The following KLHL32 variants were observed in gnomAD, a reference collection of about 807,000 sequenced individuals.
The protein encoded by KLHL32 is kelch-like protein 32.
KLHL32 carries 35 observed loss-of-function variants against 64.8 expected under a neutral mutation model. The ratio of observed to expected loss-of-function variants is 0.54; its 90% CI spans 0.41 to 0.72. The LOEUF (loss-of-function observed/expected upper bound fraction) is 0.72. KLHL32 is among the 30% of genes least tolerant of loss of function. The pLI is 0.00. For synonymous variants in KLHL32, 259 were observed against 281.0 expected (o/e 0.92, Z 0.78); for missense variants, 589 against 768.5 (o/e 0.77, Z 2.76).
Position 96,967,001 on chromosome 6 carries a change from A to G in KLHL32, c.-60A>G, listed in dbSNP as rs1275011630. 5.0e-5 allele frequency: 75 copies of G among 1,511,062 alleles called. No homozygotes were observed. Among genetic ancestry groups the G allele is most frequent in the Non-Finnish European group, 6.3e-5 (68 of 1,087,646 alleles). The allele number at this position is 1,511,062 out of a possible 1,614,324, so 93.6% of individuals were successfully genotyped here. On this transcript the variant is annotated 5_prime_UTR_variant, in exon 2 of 11. An upstream start codon of the reference 5' UTR is lost. Transcript: ENST00000369261. ...TCTCTTGTCTTTTTATTCAGCTGGA[A>G]TGCTTGCTGATTCCTCTGCACACTT...
At chr6:97,095,230 T>A (rs1443569492) in intron 6 of KLHL32, among the ~76,000 whole-genome samples, 4 of 152,218 alleles carry the variant, frequency 2.6e-5, no homozygotes, top group African/African-American at 4.8e-5. Context: ...GAGAATGACA[T>A]TGGACCTGCT....
intron 6 of KLHL32, among the ~76,000 whole-genome samples, chr6:97,088,078 T>C (rs1313300985): frequency 2.0e-5 from 3 of 152,202 alleles, no homozygotes; most frequent in Admixed American, 2.0e-4. Context: ...CAAATTTTCA[T>C]CCCTTCCATG....
chr6:96,974,097 C>T (rs962130916), intron 2 of KLHL32, among the ~76,000 whole-genome samples: 2 of 151,864 alleles, frequency 1.3e-5, no homozygotes, highest in African/African-American at 4.8e-5. Flanking sequence ...CTCAAAATAC[C>T]GGATCTTGGA....
chr6:97,137,937 T>C (rs1405404102), intron 10 of KLHL32, among the ~76,000 whole-genome samples: 1 of 152,180 alleles, frequency 6.6e-6, no homozygotes, highest in Admixed American at 6.5e-5. Context: ...GATTGAAATA[T>C]TGGGAAACAC....
chr6:97,122,187 T>G (rs1798437744), intron 7 of KLHL32, among the ~76,000 whole-genome samples: 1 of 152,240 alleles, frequency 6.6e-6, no homozygotes, highest in Admixed American at 6.5e-5. Context: ...TGCACCTATT[T>G]GCTCTAAATG....
intron 3 of KLHL32, among the ~76,000 whole-genome samples, chr6:97,018,929 T>C (rs1781605344): frequency 6.6e-6 from 1 of 152,182 alleles, no homozygotes; most frequent in Non-Finnish European, 1.5e-5. Context: ...TGACAGATCA[T>C]ATAGATTTTT....
chr6:97,068,073 A>C (rs1790096828), intron 5 of KLHL32, among the ~76,000 whole-genome samples: 1 of 152,124 alleles, frequency 6.6e-6, no homozygotes, highest in African/African-American at 2.4e-5. Context: ...CAATGCCATA[A>C]GATCAGGAAT....
chr6:97,014,129 C>T (rs1323794503), intron 3 of KLHL32, among the ~76,000 whole-genome samples: 1 of 151,948 alleles, frequency 6.6e-6, no homozygotes, highest in Admixed American at 6.6e-5. Context: ...CCCGTCTCTA[C>T]TAAAAATACA....
chr6:96,943,931 A>G (rs1252629215), intron 1 of KLHL32, among the ~76,000 whole-genome samples: 1 of 152,190 alleles, frequency 6.6e-6, no homozygotes, highest in Non-Finnish European at 1.5e-5. Context: ...AGCTGTTCTC[A>G]TGTTCAGAAA....
intron 3 of KLHL32, among the ~76,000 whole-genome samples, chr6:96,994,149 A>G (rs1412861173): frequency 6.6e-6 from 1 of 152,200 alleles, no homozygotes; most frequent in Non-Finnish European, 1.5e-5. Context: ...CAAGAAACTC[A>G]TGGAGAATTG....
chr6:96,916,813 A>G, the KLHL32 span, among the ~76,000 whole-genome samples: 1 of 152,214 alleles, frequency 6.6e-6, no homozygotes, highest in Non-Finnish European at 1.5e-5. Flanking sequence ...CCCAGATTAT[A>G]TACTATTTAT....
At chr6:97,067,517 T>C (rs1789985638) in intron 5 of KLHL32, among the ~76,000 whole-genome samples, 1 of 152,116 alleles carries the variant, frequency 6.6e-6, no homozygotes, top group Admixed American at 6.5e-5. Flanking sequence ...GTCTGCTTGT[T>C]TCTAGCCTCA....
At chr6:97,075,749 A>C (rs555328033) in intron 5 of KLHL32, among the ~76,000 whole-genome samples, 1 of 152,292 alleles carries the variant, frequency 6.6e-6, no homozygotes, top group South Asian at 2.1e-4. Flanking sequence ...ACCTTGATTT[A>C]TAACTCAGTT....
chr6:97,101,583 A>G (rs1355975297), intron 6 of KLHL32, among the ~76,000 whole-genome samples: 1 of 152,212 alleles, frequency 6.6e-6, no homozygotes, highest in South Asian at 2.1e-4. Flanking sequence ...TACAAAAACA[A>G]CTGGGTTTCA....
At chr6:96,956,304 A>G (rs1410264267) in intron 1 of KLHL32, among the ~76,000 whole-genome samples, 1 of 152,194 alleles carries the variant, frequency 6.6e-6, no homozygotes, top group Non-Finnish European at 1.5e-5. Flanking sequence ...CCCTTTTACT[A>G]ATTAGGAAAT....
intron 1 of KLHL32, among the ~76,000 whole-genome samples, chr6:96,946,171 A>G (rs963642538): frequency 6.7e-6 from 1 of 148,274 alleles, no homozygotes; most frequent in African/African-American, 2.4e-5. Context: ...GAGTTTATTT[A>G]GGAAAAAAAT....
At position 96,990,294 on chromosome 6, in the gene KLHL32, G is replaced by A. The variant is rs1279807796; in HGVS notation, c.204+14117G>A. Among the ~76,000 whole-genome samples the A allele has an allele frequency of 2.6e-5, 4 of 152,236 alleles. No homozygotes were observed. In the South Asian group the frequency reaches 8.3e-4, roughly 32 times the overall value. Reference sequence around the variant, plus strand: ...GATGTTTTCAAAGGGCTGAGGCTTTGTGCAGGATCTTTATTTGCAGCTGAT... The same window carrying A: ...GATGTTTTCAAAGGGCTGAGGCTTTATGCAGGATCTTTATTTGCAGCTGAT... On this transcript the variant is annotated intron_variant, in intron 3 of 10. Transcript: ENST00000369261.
At chr6:97,039,874 A>G (rs1784875050) in intron 3 of KLHL32, among the ~76,000 whole-genome samples, 1 of 152,062 alleles carries the variant, frequency 6.6e-6, no homozygotes, top group Non-Finnish European at 1.5e-5. Flanking sequence ...AAATCGCTCG[A>G]AGAGAATAAT....
chr6:96,978,506 A>C (rs1775954150), intron 3 of KLHL32, among the ~76,000 whole-genome samples: 1 of 152,110 alleles, frequency 6.6e-6, no homozygotes, highest in African/African-American at 2.4e-5. Context: ...AGTATTCCAC[A>C]ATATATACAT....
Sources: gnomAD v4.1 joint callset for allele counts (sites outside exome capture counted in the v4.1 genomes callset) on GRCh38, gnomAD v4.1.1 for gene constraint, MANE v1.5 for transcripts, NCBI Gene and HGNC (gene_info 2026-07-23, HGNC 2026-07-21) for gene names.